IPCEF1: variants seen among roughly 807,000 people sequenced by gnomAD.
The protein encoded by IPCEF1 is interaction protein for cytohesin exchange factors 1, also known as interactor protein for cytohesin exchange factors 1.
IPCEF1 carries 31 observed loss-of-function variants against 50.9 expected under a neutral mutation model. The ratio of observed to expected loss-of-function variants is 0.61; its 90% CI spans 0.46 to 0.82. IPCEF1 has a LOEUF of 0.82. IPCEF1 is among the 40% of genes least tolerant of loss of function. IPCEF1 has a pLI of 0.00. For missense variants in IPCEF1, 458 were observed against 514.0 expected, an observed-to-expected ratio of 0.89 and a Z score of 1.05; for synonymous variants, 181 against 192.0, an observed-to-expected ratio of 0.94 and a Z score of 0.47.
intron 2 of IPCEF1, among the ~76,000 whole-genome samples, chr6:154,272,834 A>G (rs1781931905): frequency 6.6e-6 from 1 of 152,186 alleles, no homozygotes; most frequent in South Asian, 2.1e-4. Context: ...CCCAACAAAC[A>G]CACTATTTAT....
intron 3 of IPCEF1, among the ~76,000 whole-genome samples, chr6:154,248,907 T>C (rs753977001): frequency 1.3e-5 from 2 of 152,144 alleles, no homozygotes; most frequent in Non-Finnish European, 2.9e-5. Context: ...TTATATCTAA[T>C]AAACAGAAAA....
intron 10 of IPCEF1, among the ~76,000 whole-genome samples, chr6:154,198,631 TAC>T (rs3070838): frequency 0.07 from 10,238 of 146,600 alleles, 828 homozygotes; most frequent in African/African-American, 0.2. Context: ...AAATATTACA[TAC>T]ACACACACAC....
intron 1 of IPCEF1, among the ~76,000 whole-genome samples, chr6:154,306,518 T>C (rs965815780): frequency 6.6e-6 from 1 of 152,196 alleles, no homozygotes; most frequent in Admixed American, 6.5e-5. Context: ...ATTACAGGCA[T>C]GAGCCACTGT....
intron 10 of IPCEF1, among the ~76,000 whole-genome samples, chr6:154,194,786 A>G (rs1382563646): frequency 6.7e-6 from 1 of 149,598 alleles, no homozygotes; most frequent in Non-Finnish European, 1.5e-5. Context: ...ATGACAACTC[A>G]TAGAGATCTT....
intron 10 of IPCEF1, among the ~76,000 whole-genome samples, chr6:154,185,286 A>T (rs1182835199): frequency 6.6e-6 from 1 of 152,206 alleles, no homozygotes; most frequent in Non-Finnish European, 1.5e-5. Context: ...GAGCTTAATG[A>T]CTGCCTAAGT....
intron 6 of IPCEF1, among the ~76,000 whole-genome samples, chr6:154,221,822 C>T (rs940304741): frequency 6.6e-6 from 1 of 151,798 alleles, no homozygotes; most frequent in Admixed American, 6.6e-5. Flanking sequence ...TGCAGTGAGC[C>T]GAGATCATGC....
rs1164164068 is a variant in IPCEF1, at chr6:154,157,725, T to TAAA, written c.*2102_*2103insTTT. 1 of 152,260 alleles carries TAAA rather than the reference T, an allele frequency of 6.6e-6. No homozygotes were observed. Among genetic ancestry groups the TAAA allele is most frequent in the East Asian group, 1.9e-4 (1 of 5,200 alleles). The allele number at this position is 152,260 out of a possible 1,614,324, so 9.4% of individuals were successfully genotyped here. A position where few individuals can be genotyped will look rare whatever the true frequency, so the allele number is the denominator to read the frequency against. On this transcript the variant is annotated 3_prime_UTR_variant, in exon 12 of 12. Transcript: ENST00000367220. ...GAAAAATAGGTGGAAGGGCACTTTA[T>TAAA]GTCACACTGTTATTTCTGCTATTGT...
intron 5 of IPCEF1, among the ~76,000 whole-genome samples, chr6:154,242,120 G>A (rs554860834): frequency 6.6e-6 from 1 of 152,288 alleles, no homozygotes; most frequent in South Asian, 2.1e-4. Flanking sequence ...AACACAGTGG[G>A]TTGGCACAGC....
intron 8 of IPCEF1, among the ~76,000 whole-genome samples, chr6:154,213,614 T>G (rs1010267763): frequency 6.6e-6 from 1 of 152,212 alleles, no homozygotes; most frequent in Non-Finnish European, 1.5e-5. Context: ...AGGCCTTTTG[T>G]GGTCTGGGCA....
chr6:154,203,034 G>A (rs1466738063), intron 9 of IPCEF1, among the ~76,000 whole-genome samples: 4 of 152,096 alleles, frequency 2.6e-5, no homozygotes, highest in Non-Finnish European at 4.4e-5. Flanking sequence ...ATGAAAACAC[G>A]CTTTATAGAC....
At chr6:154,257,057 T>C (rs963152398) in intron 3 of IPCEF1, among the ~76,000 whole-genome samples, 2 of 152,248 alleles carry the variant, frequency 1.3e-5, no homozygotes, top group Non-Finnish European at 2.9e-5. Flanking sequence ...TTCAATTTAT[T>C]ACAGATTTAT....
At chr6:154,183,994 T>C (rs115787160) in intron 10 of IPCEF1, among the ~76,000 whole-genome samples, 1,769 of 152,250 alleles carry the variant, frequency 0.012, 29 homozygotes, top group African/African-American at 0.04. Context: ...AAATTTCAAG[T>C]ACACAATGTA....
At chr6:154,320,485 C>T (rs541113065) in intron 1 of IPCEF1, among the ~76,000 whole-genome samples, 6 of 152,228 alleles carry the variant, frequency 3.9e-5, no homozygotes, top group South Asian at 2.1e-4. Context: ...GCTCTAATAC[C>T]GATTTTAGTG....
intron 1 of IPCEF1, among the ~76,000 whole-genome samples, chr6:154,309,407 C>A (rs883273): frequency 0.37 from 55,986 of 152,026 alleles, 10,633 homozygotes; most frequent in African/African-American, 0.46. Context: ...GACACCCAAC[C>A]GATGGAAGAA....
At position 154,330,484 on chromosome 6, in the gene IPCEF1, C is replaced by A. The variant is rs1783632542; in HGVS notation, c.-62+26188G>T. Among the ~76,000 whole-genome samples the A allele has an allele frequency of 2.0e-5, 3 of 151,972 alleles. No individual in the cohort carries two copies. In the South Asian group the frequency reaches 6.2e-4, roughly 32 times the overall value. ...CCCGAGTAGCTGAGAACACAGACAT[C>A]CAGCTAATTTTTTTTATGATCGGTA... On this transcript the variant is annotated intron_variant, in intron 1 of 11. Transcript: ENST00000367220.
chr6:154,312,044 A>G (rs908048862), intron 1 of IPCEF1, among the ~76,000 whole-genome samples: 1 of 152,258 alleles, frequency 6.6e-6, no homozygotes. Flanking sequence ...CACAATAGCC[A>G]AGATATGCAA....
At chr6:154,197,581 T>G (rs1408225289) in intron 10 of IPCEF1, among the ~76,000 whole-genome samples, 1 of 152,232 alleles carries the variant, frequency 6.6e-6, no homozygotes, top group Non-Finnish European at 1.5e-5. Flanking sequence ...TGCATGTAAC[T>G]CAAAACTAAA....
Position 154,293,276 on chromosome 6 carries a change from A to C in IPCEF1, c.-61-3520T>G, listed in dbSNP as rs150954664. Among the ~76,000 whole-genome samples, 886 of 152,338 alleles carry C rather than the reference A, an allele frequency of 5.8e-3. 3 individuals are homozygous for C. The highest frequency in any genetic ancestry group is 9.6e-3 in the Non-Finnish European group (655 of 68,032). On this transcript the variant is annotated intron_variant, in intron 1 of 11. Coordinates refer to ENST00000367220, the MANE Select transcript of IPCEF1 (RefSeq NM_001130700.2). ...AGACAAGGTTTAGAGTGATACTGAAATCTAAAAAGCAATACAACCCAAGTC... is the reference window on the plus strand; with the variant it reads ...AGACAAGGTTTAGAGTGATACTGAACTCTAAAAAGCAATACAACCCAAGTC...
At chr6:154,224,855 C>T (rs1235370665) in intron 5 of IPCEF1, among the ~76,000 whole-genome samples, 1 of 152,188 alleles carries the variant, frequency 6.6e-6, no homozygotes, top group Non-Finnish European at 1.5e-5. Flanking sequence ...TGCAGCTTCT[C>T]TCTTGACAGC....
Sources: allele counts gnomAD v4.1 joint callset (sites outside exome capture counted in the v4.1 genomes callset), GRCh38; gene constraint gnomAD v4.1.1; transcripts MANE v1.5; gene names NCBI Gene and HGNC (gene_info 2026-07-23, HGNC 2026-07-21).